EYS: variants seen among roughly 807,000 people sequenced by gnomAD.
EYS encodes the protein protein eyes shut homolog.
Under a neutral mutation model 282.1 loss-of-function variants are expected in EYS, and 250 were observed. The ratio of observed to expected loss-of-function variants is 0.89; its 90% confidence interval spans 0.80 to 0.98. EYS has a LOEUF of 0.98. Among genes scored for constraint, EYS ranks in the 50% least tolerant of loss-of-function variants. EYS has a pLI of 0.00. For missense variants in EYS, 4,016 were observed against 3,709.0 expected (o/e 1.08, Z -2.15); for synonymous variants, 1,355 against 1,282.9 (o/e 1.06, Z -1.20).
chr6:65,297,714 C>A lies in EYS; in HGVS notation c.1767-1595G>T, dbSNP rs1335216537. ...TAACTGTTACCTACTATATCAAACACCCTTCCAACAAAGTTACCTGAAATA... is the reference window on the plus strand; with the variant it reads ...TAACTGTTACCTACTATATCAAACAACCTTCCAACAAAGTTACCTGAAATA... On this transcript the variant is annotated intron_variant, in intron 11 of 42. Transcript: ENST00000503581. Among the ~76,000 whole-genome samples, 5 of 152,036 alleles carry A rather than the reference C, an allele frequency of 3.3e-5. No homozygotes were observed. In the East Asian group the frequency reaches 9.7e-4, roughly 29 times the overall value.
intron 2 of EYS, among the ~76,000 whole-genome samples, chr6:65,536,769 C>G (rs903180323): frequency 2.6e-5 from 4 of 152,050 alleles, no homozygotes; most frequent in African/African-American, 4.8e-5. Context: ...CATGCACAAC[C>G]CTTTGGGGAG....
At chr6:64,862,133 T>C (rs2150048941) in intron 19 of EYS, among the ~76,000 whole-genome samples, 1 of 152,376 alleles carries the variant, frequency 6.6e-6, no homozygotes, top group East Asian at 1.9e-4. Flanking sequence ...ACTCTCTTTC[T>C]ACTTCTCTGA....
At chr6:65,404,158 G>A (rs1032975223) in intron 6 of EYS, among the ~76,000 whole-genome samples, 1 of 151,638 alleles carries the variant, frequency 6.6e-6, no homozygotes, top group African/African-American at 2.4e-5. Flanking sequence ...TTTCATTTAT[G>A]GTCCCTTCCT....
At chr6:65,534,970 A>C (rs1767911457) in intron 2 of EYS, among the ~76,000 whole-genome samples, 1 of 152,136 alleles carries the variant, frequency 6.6e-6, no homozygotes, top group Admixed American at 6.6e-5. Context: ...TGAATGAAAA[A>C]TCATACTGAT....
chr6:64,353,172 T>C (rs923894706), intron 29 of EYS, among the ~76,000 whole-genome samples: 3 of 151,488 alleles, frequency 2.0e-5, no homozygotes, highest in Non-Finnish European at 4.4e-5. Flanking sequence ...TTCCTGGCAT[T>C]TATTTTAAAA....
chr6:65,317,638 G>C lies in EYS; in HGVS notation c.1766+17342C>G, dbSNP rs762096172. The stretch of plus-strand genomic sequence containing the variant: ...TGGCTGGTTCAACATCTCTCACAAA[G>C]TCACAGTCAAGCTTTTCTTCCTGGG... On this transcript the variant is annotated intron_variant, in intron 11 of 42. Coordinates refer to ENST00000503581, the MANE Select transcript of EYS (RefSeq NM_001142800.2). Among the ~76,000 whole-genome samples the C allele has an allele frequency of 2.0e-3, 305 of 152,210 alleles. 2 individuals are homozygous for C. Among genetic ancestry groups the C allele is most frequent in the Non-Finnish European group, 3.2e-3 (216 of 68,014 alleles).
intron 11 of EYS, among the ~76,000 whole-genome samples, chr6:65,318,176 A>G (rs1562093449): frequency 6.8e-6 from 1 of 147,060 alleles, no homozygotes; most frequent in African/African-American, 2.5e-5. Flanking sequence ...TGGAGGCTCC[A>G]TTTTTTTTTT....
At chr6:65,634,173 A>C (rs1034937154) in intron 2 of EYS, among the ~76,000 whole-genome samples, 2 of 152,204 alleles carry the variant, frequency 1.3e-5, no homozygotes, top group Non-Finnish European at 2.9e-5. Context: ...CTTAGTATAC[A>C]TGAAGAGACA....
At chr6:64,569,133 G>A (rs139335619) in intron 26 of EYS, among the ~76,000 whole-genome samples, 22 of 151,722 alleles carry the variant, frequency 1.5e-4, no homozygotes, top group African/African-American at 4.8e-4. Context: ...AAAACTGACG[G>A]AGAATGACTT....
chr6:64,241,002 G>C (rs1373972855), intron 30 of EYS, among the ~76,000 whole-genome samples: 1 of 152,172 alleles, frequency 6.6e-6, no homozygotes, highest in Non-Finnish European at 1.5e-5. Context: ...TGCATCTATT[G>C]AGATAATTAT....
At chr6:65,540,935 G>A (rs1040295000) in intron 2 of EYS, among the ~76,000 whole-genome samples, 1 of 151,984 alleles carries the variant, frequency 6.6e-6, no homozygotes, top group African/African-American at 2.4e-5. Flanking sequence ...AAAAAAATTA[G>A]AGAAAGGTAA....
At chr6:65,294,560 T>G (rs1582109903) in intron 12 of EYS, among the ~76,000 whole-genome samples, 1 of 151,978 alleles carries the variant, frequency 6.6e-6, no homozygotes, top group Middle Eastern at 3.4e-3. Flanking sequence ...TATTTAATGA[T>G]CATATAACGT....
intron 12 of EYS, among the ~76,000 whole-genome samples, chr6:65,260,603 C>T (rs1201204256): frequency 6.6e-6 from 1 of 151,494 alleles, no homozygotes; most frequent in Non-Finnish European, 1.5e-5. Context: ...TTTTTTAATC[C>T]ATCAATTATT....
chr6:65,354,523 A>G (rs1390385169), intron 8 of EYS, among the ~76,000 whole-genome samples: 1 of 152,066 alleles, frequency 6.6e-6, no homozygotes, highest in African/African-American at 2.4e-5. Context: ...ATGTGAGGAA[A>G]AAAAAAAATT....
chr6:65,109,393 T>C (rs1272302074), intron 12 of EYS, among the ~76,000 whole-genome samples: 1 of 152,080 alleles, frequency 6.6e-6, no homozygotes. Flanking sequence ...TCTCTTGTTA[T>C]AGTAGAATTT....
At chr6:63,769,213 C>T (rs1184482648) in intron 40 of EYS, among the ~76,000 whole-genome samples, 2 of 151,744 alleles carry the variant, frequency 1.3e-5, no homozygotes, top group Non-Finnish European at 2.9e-5. Context: ...ACACCCTGAA[C>T]CTAAAAGAAA....
intron 27 of EYS, 24 bp downstream of exon 27, chr6:64,439,138 A>AT: frequency 7.6e-7 from 1 of 1,308,424 alleles, no homozygotes; most frequent in East Asian, 2.8e-5. Context: ...ATTTTTAAAA[A>AT]ATTAAATGAA....
chr6:64,232,174 T>C (rs1766442585), intron 30 of EYS, among the ~76,000 whole-genome samples: 1 of 152,178 alleles, frequency 6.6e-6, no homozygotes, highest in South Asian at 2.1e-4. Context: ...TCACAGATTG[T>C]ACCAATATAT....
chr6:63,757,156 G>C (rs952110286), intron 41 of EYS, among the ~76,000 whole-genome samples: 2 of 152,026 alleles, frequency 1.3e-5, no homozygotes, highest in Non-Finnish European at 2.9e-5. Flanking sequence ...GGAAGATATT[G>C]CTGAATTCTT....
Sources: allele counts gnomAD v4.1 joint callset (sites outside exome capture counted in the v4.1 genomes callset), GRCh38; gene constraint gnomAD v4.1.1; transcripts MANE v1.5; gene names NCBI Gene and HGNC (gene_info 2026-07-23, HGNC 2026-07-21).